PDE1C: variants seen among roughly 807,000 people sequenced by gnomAD.
PDE1C encodes the protein dual specificity calcium/calmodulin-dependent 3',5'-cyclic nucleotide phosphodiesterase 1C.
A neutral mutation model predicts 93.1 loss-of-function variants in PDE1C; 62 were observed. That is an observed-to-expected ratio of 0.67 (90% CI 0.54 to 0.82). PDE1C has a LOEUF of 0.82. Ranked by LOEUF, PDE1C falls within the 40% of genes least tolerant of loss-of-function variation. The pLI is 0.00. For missense variants in PDE1C, 742 were observed against 884.6 expected (o/e 0.84, Z 2.04); for synonymous variants, 325 against 310.1 (o/e 1.05, Z -0.50).
At chr7:32,076,659 A>AAAAAAAG (rs1371378152) in intron 3 of PDE1C, among the ~76,000 whole-genome samples, 2 of 129,338 alleles carry the variant, frequency 1.5e-5, no homozygotes, top group Non-Finnish European at 3.5e-5. Flanking sequence ...AAAAAAAAAG[A>AAAAAAAG]AAAAAAGAAA....
chr7:32,416,297 G>A (rs781394189), intron 1 of PDE1C, among the ~76,000 whole-genome samples: 9 of 152,284 alleles, frequency 5.9e-5, no homozygotes, highest in Admixed American at 2.6e-4. Context: ...TGCCCCGGAC[G>A]TACATATTCA....
chr7:31,875,911 C>A lies in PDE1C; in HGVS notation c.492+2059G>T, dbSNP rs1313452652. ...ATTCATTACTATCTTACTTAAATAT[C>A]ATTTTATGTCATGTTCTTACGTTAA... On this transcript the variant is annotated intron_variant, in intron 5 of 17. Transcript: ENST00000396191. Among the ~76,000 whole-genome samples the A allele has an allele frequency of 2.8e-5, 4 of 144,320 alleles. No individual in the cohort carries two copies. The East Asian group carries it at 8.2e-4, about 30-fold the overall frequency. The allele number at this position is 144,320 out of a possible 152,430, so 94.7% of individuals were successfully genotyped here.
chr7:32,361,529 A>T (rs215703), intron 1 of PDE1C, among the ~76,000 whole-genome samples: 11 of 152,202 alleles, frequency 7.2e-5, no homozygotes, highest in Non-Finnish European at 1.6e-4. Context: ...CGCCCTGCGC[A>T]CACTGCCCCT....
At chr7:32,248,220 A>G (rs1006215000) in intron 1 of PDE1C, among the ~76,000 whole-genome samples, 4 of 152,180 alleles carry the variant, frequency 2.6e-5, no homozygotes, top group African/African-American at 9.7e-5. Flanking sequence ...ATAAGTTCAG[A>G]GTTTGATAGA....
intron 2 of PDE1C, among the ~76,000 whole-genome samples, chr7:31,882,479 C>T (rs1332199040): frequency 1.3e-5 from 2 of 152,182 alleles, no homozygotes; most frequent in Non-Finnish European, 2.9e-5. Flanking sequence ...AAACACATTC[C>T]TGGCTAAGTC....
chr7:32,005,014 G>T (rs1284291268), intron 2 of PDE1C, among the ~76,000 whole-genome samples: 1 of 152,128 alleles, frequency 6.6e-6, no homozygotes, highest in African/African-American at 2.4e-5. Flanking sequence ...GGATGAAATG[G>T]ATAAAACATT....
At chr7:32,205,962 G>A (rs984872775) in intron 2 of PDE1C, among the ~76,000 whole-genome samples, 6 of 152,160 alleles carry the variant, frequency 3.9e-5, no homozygotes, top group Non-Finnish European at 8.8e-5. Flanking sequence ...CACCAGGTGG[G>A]TCCATGTTTT....
rs527504490 is a variant in PDE1C at position 32,050,704 on chromosome 7, A to G, written c.128+850T>C. 1.4e-3 allele frequency among the ~76,000 whole-genome samples: 212 copies of G among 152,280 alleles called. 1 individual carries two copies. The highest frequency in any genetic ancestry group is 2.2e-3 in the Non-Finnish European group (153 of 68,032). On this transcript the variant is annotated intron_variant, in intron 2 of 17. Coordinates refer to ENST00000396191, the MANE Select transcript of PDE1C (RefSeq NM_001191057.4). ...TTTCCTAAGCTCATTTCATTATTCT[A>G]TCATTAGAGAACCCACTCACCCTCT...
intron 3 of PDE1C, among the ~76,000 whole-genome samples, chr7:32,089,973 G>C (rs1694051615): frequency 6.6e-6 from 1 of 152,078 alleles, no homozygotes; most frequent in South Asian, 2.1e-4. Context: ...TAGTTTCTTG[G>C]TACCATTTTC....
At chr7:32,035,498 G>C (rs1421312874) in intron 2 of PDE1C, among the ~76,000 whole-genome samples, 1 of 152,060 alleles carries the variant, frequency 6.6e-6, no homozygotes, top group Middle Eastern at 3.2e-3. Context: ...TAGCTTGTTT[G>C]TTTGGTTGTT....
intron 4 of PDE1C, among the ~76,000 whole-genome samples, chr7:31,878,599 T>C (rs1314454282): frequency 6.6e-6 from 1 of 152,174 alleles, no homozygotes; most frequent in African/African-American, 2.4e-5. Context: ...AAAACTGAAG[T>C]GTCTTGGGGA....
intron 2 of PDE1C, among the ~76,000 whole-genome samples, chr7:32,204,544 T>C (rs1805276896): frequency 6.6e-6 from 1 of 152,154 alleles, no homozygotes; most frequent in Non-Finnish European, 1.5e-5. Context: ...GCAGCGTCTT[T>C]TACGTCCTCT....
At chr7:32,423,657 A>G (rs1235054858) in intron 1 of PDE1C, among the ~76,000 whole-genome samples, 1 of 152,220 alleles carries the variant, frequency 6.6e-6, no homozygotes, top group East Asian at 1.9e-4. Flanking sequence ...AGTATCTGAG[A>G]GGACCCAGCT....
At chr7:31,637,072 T>A in the PDE1C span, among the ~76,000 whole-genome samples, 1 of 152,032 alleles carries the variant, frequency 6.6e-6, no homozygotes. Flanking sequence ...AATTCATCAT[T>A]TTTTTATGGC....
chr7:32,000,805 A>G (rs1041508520), intron 2 of PDE1C, among the ~76,000 whole-genome samples: 2 of 152,164 alleles, frequency 1.3e-5, no homozygotes, highest in African/African-American at 4.8e-5. Context: ...TCAAGCTCCA[A>G]TACAGCCCCC....
At chr7:32,378,784 C>T (rs1386490828) in intron 1 of PDE1C, among the ~76,000 whole-genome samples, 2 of 152,070 alleles carry the variant, frequency 1.3e-5, no homozygotes, top group African/African-American at 4.8e-5. Flanking sequence ...CATTTCCTAG[C>T]CACCTACACC....
At chr7:32,314,607 T>C (rs1783129744) in intron 1 of PDE1C, among the ~76,000 whole-genome samples, 1 of 152,160 alleles carries the variant, frequency 6.6e-6, no homozygotes, top group South Asian at 2.1e-4. Context: ...GTGCTTAGTA[T>C]TCATGCATCT....
At chr7:32,353,873 C>A (rs754105046) in intron 1 of PDE1C, among the ~76,000 whole-genome samples, 40 of 152,294 alleles carry the variant, frequency 2.6e-4, no homozygotes, top group Non-Finnish European at 5.0e-4. Context: ...GTGTACCCAA[C>A]TGAATATCAT....
chr7:31,723,946 A>G, the PDE1C span, among the ~76,000 whole-genome samples: 2 of 124,822 alleles, frequency 1.6e-5, no homozygotes, highest in South Asian at 4.8e-4. Context: ...GCATCATTTT[A>G]TTAGATTCTT....
Sources: allele counts gnomAD v4.1 joint callset (sites outside exome capture counted in the v4.1 genomes callset), GRCh38; gene constraint gnomAD v4.1.1; transcripts MANE v1.5; gene names NCBI Gene and HGNC (gene_info 2026-07-23, HGNC 2026-07-21).